The following CTNNA2 variants were observed in gnomAD, a reference collection of about 807,000 sequenced individuals.
CTNNA2 encodes the protein catenin alpha 2, also known as catenin alpha-2.
A neutral mutation model predicts 101.0 loss-of-function variants in CTNNA2; 42 were observed. The observed-to-expected ratio is 0.42, with a 90% confidence interval of 0.32 to 0.54. The LOEUF is 0.54. CTNNA2 is among the 20% of genes least tolerant of loss of function. The pLI is 0.14. For missense variants in CTNNA2, 871 were observed against 1,223.1 expected (o/e 0.71, Z 4.29); for synonymous variants, 450 against 456.4 (o/e 0.99, Z 0.18).
At chr2:79,550,819 C>T (rs1674055150) in intron 1 of CTNNA2, among the ~76,000 whole-genome samples, 1 of 151,980 alleles carries the variant, frequency 6.6e-6, no homozygotes, top group Non-Finnish European at 1.5e-5. Context: ...CCTAATATAC[C>T]CACAGTCACC....
At chr2:80,451,191 G>A (rs2149456521) in intron 9 of CTNNA2, among the ~76,000 whole-genome samples, 1 of 152,096 alleles carries the variant, frequency 6.6e-6, no homozygotes, top group Middle Eastern at 3.4e-3. Flanking sequence ...ATCTCATTTT[G>A]AATTGTATTT....
chr2:80,243,054 A>C (rs1006153258), intron 7 of CTNNA2, among the ~76,000 whole-genome samples: 5 of 152,232 alleles, frequency 3.3e-5, no homozygotes, highest in African/African-American at 1.2e-4. Context: ...AGTATCGGTC[A>C]GGTTGTTTAG....
chr2:80,102,845 G>T (rs1002465886), intron 7 of CTNNA2, among the ~76,000 whole-genome samples: 32 of 152,146 alleles, frequency 2.1e-4, no homozygotes, highest in African/African-American at 7.5e-4. Flanking sequence ...AAGCAACTAT[G>T]TGTCAGGGAC....
chr2:80,413,347 C>A (rs984169784), intron 8 of CTNNA2, among the ~76,000 whole-genome samples: 1 of 152,174 alleles, frequency 6.6e-6, no homozygotes, highest in Non-Finnish European at 1.5e-5. Flanking sequence ...GATTTTGCTT[C>A]ATGAAAGACA....
intron 7 of CTNNA2, among the ~76,000 whole-genome samples, chr2:80,006,113 T>G (rs1353445223): frequency 6.6e-6 from 1 of 152,130 alleles, no homozygotes; most frequent in Admixed American, 6.6e-5. Flanking sequence ...AGTAGCTTCC[T>G]AATATTTAAG....
chr2:80,414,392 A>G (rs1245230755), intron 8 of CTNNA2, among the ~76,000 whole-genome samples: 1 of 152,076 alleles, frequency 6.6e-6, no homozygotes, highest in African/African-American at 2.4e-5. Context: ...ATCTCTATTT[A>G]TTTTCAACTT....
intron 7 of CTNNA2, among the ~76,000 whole-genome samples, chr2:80,391,703 T>C (rs1229727988): frequency 6.6e-6 from 1 of 152,238 alleles, no homozygotes; most frequent in African/African-American, 2.4e-5. Flanking sequence ...TCACACTCAC[T>C]GCACAACCAC....
intron 7 of CTNNA2, among the ~76,000 whole-genome samples, chr2:80,321,605 A>G (rs1013161005): frequency 2.6e-5 from 4 of 152,224 alleles, no homozygotes; most frequent in African/African-American, 9.6e-5. Flanking sequence ...TTGTGGAATA[A>G]ATCTTTTTTT....
chr2:79,416,257 CTTTTT>C lies in CTNNA2; in HGVS notation c.-135+42264_-135+42268del, dbSNP rs66830925. Among the ~76,000 whole-genome samples, 7 of 94,612 alleles carry C rather than the reference CTTTTT, an allele frequency of 7.4e-5. No individual in the cohort carries two copies. The East Asian group carries it at 1.2e-3, about 17-fold the overall frequency. 62.1% of individuals were successfully genotyped at this position (94,612 alleles called of 152,430 possible). On this transcript the variant is annotated intron_variant, in intron 4 of 21. Transcript: ENST00000466387. The stretch of plus-strand genomic sequence containing the variant: ...TCTCCTTGTCTTCTTCTTTCCTTTT[CTTTTT>C]TTTTTTTTTTTTTTTTTTTGGCCAA...
At chr2:79,601,849 G>C (rs1176881336) in intron 1 of CTNNA2, among the ~76,000 whole-genome samples, 2 of 152,190 alleles carry the variant, frequency 1.3e-5, no homozygotes, top group Non-Finnish European at 1.5e-5. Flanking sequence ...CCCACCATAA[G>C]TTGAAAATAA....
chr2:80,183,392 C>T (rs1705911953), intron 7 of CTNNA2, among the ~76,000 whole-genome samples: 1 of 152,158 alleles, frequency 6.6e-6, no homozygotes, highest in South Asian at 2.1e-4. Flanking sequence ...ATATTTTTAC[C>T]TCCAATCATA....
chr2:80,331,990 T>C (rs764695626), intron 7 of CTNNA2, among the ~76,000 whole-genome samples: 2 of 152,148 alleles, frequency 1.3e-5, no homozygotes, highest in African/African-American at 2.4e-5. Flanking sequence ...GGAGGTACCA[T>C]TCCCGTGCAG....
In CTNNA2 at chr2:79,340,307, A is replaced by G. The variant is rs866295580; in HGVS notation, c.-318+27511A>G. ...AATGGCTCATAAGACTTTAAAGGTC[A>G]TGTGGTCCCCATCAGTAAAGGTGAT... On this transcript the variant is annotated intron_variant, in intron 3 of 21. Coordinates refer to the CTNNA2 transcript ENST00000466387. The G allele has an allele frequency of 2.0e-5, 3 of 152,338 alleles. No homozygotes were observed. The South Asian group carries it at 6.2e-4, about 32-fold the overall frequency. The allele number at this position is 152,338 out of a possible 1,614,324, so 9.4% of individuals were successfully genotyped here. A position where few individuals can be genotyped will look rare whatever the true frequency, so the allele number is the denominator to read the frequency against.
intron 1 of CTNNA2, among the ~76,000 whole-genome samples, chr2:79,592,288 T>TG (rs1245410637): frequency 1.3e-5 from 2 of 148,848 alleles, no homozygotes; most frequent in Non-Finnish European, 3.0e-5. Context: ...GCCCAGCTAA[T>TG]TTTTTTTTTA....
intron 7 of CTNNA2, among the ~76,000 whole-genome samples, chr2:80,223,273 C>T (rs1156869272): frequency 3.3e-5 from 5 of 151,994 alleles, no homozygotes; most frequent in Admixed American, 1.3e-4. Flanking sequence ...GTCAATAAAG[C>T]GATAAACGAA....
chr2:79,759,253 C>T (rs1288585108), intron 3 of CTNNA2, among the ~76,000 whole-genome samples: 1 of 152,026 alleles, frequency 6.6e-6, no homozygotes, highest in Non-Finnish European at 1.5e-5. Context: ...ATTAGCCAGG[C>T]ACGATGATGC....
intron 3 of CTNNA2, among the ~76,000 whole-genome samples, chr2:79,834,780 C>T (rs766895252): frequency 2.6e-5 from 4 of 151,898 alleles, no homozygotes; most frequent in African/African-American, 4.8e-5. Flanking sequence ...TTTTTTCTAA[C>T]CCAATATCAT....
intron 7 of CTNNA2, among the ~76,000 whole-genome samples, chr2:79,969,809 T>A (rs1195871331): frequency 6.6e-6 from 1 of 152,188 alleles, no homozygotes; most frequent in East Asian, 1.9e-4. Flanking sequence ...GAAACACTTT[T>A]TGGGTTTTAC....
chr2:80,232,341 G>GTTTTTTTTTTTTTTTTTTT (rs1286822049), intron 7 of CTNNA2, among the ~76,000 whole-genome samples: 47 of 81,964 alleles, frequency 5.7e-4, no homozygotes, highest in East Asian at 1.2e-3. Context: ...TTGTTTGTTT[G>GTTTTTTTTTTTTTTTTTTT]TTTGTTTTTT....
Sources: allele counts gnomAD v4.1 joint callset (sites outside exome capture counted in the v4.1 genomes callset), GRCh38; gene constraint gnomAD v4.1.1; transcripts MANE v1.5; gene names NCBI Gene and HGNC (gene_info 2026-07-23, HGNC 2026-07-21).